Variants in PTPRN2 observed in about 807,000 individuals in gnomAD.
PTPRN2 encodes the protein receptor-type tyrosine-protein phosphatase N2.
In PTPRN2, 74 loss-of-function variants were observed where a neutral mutation model predicts 118.8. The ratio of observed to expected loss-of-function variants is 0.62; its 90% CI spans 0.52 to 0.76. The LOEUF (loss-of-function observed/expected upper bound fraction) is 0.76. Among genes scored for constraint, PTPRN2 ranks in the 30% least tolerant of loss-of-function variants. PTPRN2 has a pLI of 0.00. For missense variants in PTPRN2, 1,481 were observed against 1,394.4 expected (o/e 1.06, Z -0.99); for synonymous variants, 641 against 608.0 (o/e 1.05, Z -0.80).
chr7:157,900,767 T>A (rs1399796291), intron 11 of PTPRN2, among the ~76,000 whole-genome samples: 3 of 152,218 alleles, frequency 2.0e-5, no homozygotes, highest in Non-Finnish European at 2.9e-5. Context: ...CAGTTCATGG[T>A]GTGCAGGCTG....
intron 10 of PTPRN2, among the ~76,000 whole-genome samples, chr7:158,100,422 C>T (rs1815140729): frequency 6.6e-6 from 1 of 152,166 alleles, no homozygotes; most frequent in Non-Finnish European, 1.5e-5. Flanking sequence ...AGATACCCAG[C>T]AGTGGGATTG....
chr7:158,511,239 C>G (rs897201296), intron 1 of PTPRN2, among the ~76,000 whole-genome samples: 2 of 152,154 alleles, frequency 1.3e-5, no homozygotes, highest in Non-Finnish European at 2.9e-5. Context: ...GCTGGATGCG[C>G]TGGTGTGGTC....
intron 2 of PTPRN2, among the ~76,000 whole-genome samples, chr7:158,353,315 G>A (rs1056845140): frequency 6.6e-6 from 1 of 152,148 alleles, no homozygotes; most frequent in Non-Finnish European, 1.5e-5. Flanking sequence ...ACATCACTCG[G>A]GGCTTTATAA....
chr7:158,473,466 C>G (rs1186703926), intron 2 of PTPRN2, among the ~76,000 whole-genome samples: 2 of 152,190 alleles, frequency 1.3e-5, no homozygotes, highest in Admixed American at 1.3e-4. Context: ...TGTCTGTGCA[C>G]CCTGATTGAG....
intron 10 of PTPRN2, among the ~76,000 whole-genome samples, chr7:158,110,317 C>A (rs1275068362): frequency 6.6e-6 from 1 of 152,252 alleles, no homozygotes; most frequent in African/African-American, 2.4e-5. Context: ...ACTCACCCAC[C>A]AGCCCTGCAT....
intron 6 of PTPRN2, among the ~76,000 whole-genome samples, chr7:158,143,796 T>A (rs1819617185): frequency 2.0e-5 from 3 of 152,100 alleles, no homozygotes; most frequent in African/African-American, 7.2e-5. Flanking sequence ...AGTCCAAAGA[T>A]CCCTTCTGCC....
intron 12 of PTPRN2, among the ~76,000 whole-genome samples, chr7:157,757,623 G>A (rs761573818): frequency 1.5e-4 from 22 of 151,392 alleles, no homozygotes; most frequent in Non-Finnish European, 3.1e-4. Context: ...GAAGCCGTGC[G>A]TCTTTCACCT....
intron 11 of PTPRN2, among the ~76,000 whole-genome samples, chr7:157,943,330 C>A (rs1800263720): frequency 6.6e-6 from 1 of 152,116 alleles, no homozygotes; most frequent in Non-Finnish European, 1.5e-5. Context: ...CTTCCCATGC[C>A]CCCTCCCATG....
chr7:158,143,641 C>T (rs1362419361), intron 6 of PTPRN2, among the ~76,000 whole-genome samples: 2 of 151,982 alleles, frequency 1.3e-5, no homozygotes, highest in African/African-American at 2.4e-5. Context: ...TGCCCAGCGG[C>T]CTCCTCATCA....
intron 2 of PTPRN2, among the ~76,000 whole-genome samples, chr7:158,378,620 TCAC>T (rs1306222478): frequency 6.6e-6 from 1 of 152,162 alleles, no homozygotes; most frequent in African/African-American, 2.4e-5. Context: ...TGCCTTGATA[TCAC>T]CACGTTTCCA....
chr7:157,830,574 G>A (rs1053591274), intron 12 of PTPRN2, among the ~76,000 whole-genome samples: 3 of 152,044 alleles, frequency 2.0e-5, no homozygotes, highest in African/African-American at 4.8e-5. Flanking sequence ...GGGGCTGACC[G>A]TGCACCCACA....
At chr7:157,728,948 G>A (rs955276972) in intron 12 of PTPRN2, among the ~76,000 whole-genome samples, 2 of 152,202 alleles carry the variant, frequency 1.3e-5, no homozygotes, top group African/African-American at 4.8e-5. Flanking sequence ...AAGGAGACCA[G>A]GAAACAGCCT....
rs761217962 is a variant in PTPRN2 at position 157,794,551 on chromosome 7, C to T, written c.1788+104122G>A. Among the ~76,000 whole-genome samples the T allele has an allele frequency of 3.3e-5, 5 of 152,208 alleles. No homozygotes were observed. Among genetic ancestry groups the T allele is most frequent in the Non-Finnish European group, 7.3e-5 (5 of 68,050 alleles). On this transcript the variant is annotated intron_variant, in intron 12 of 22. Transcript: ENST00000389418. The surrounding 1 kb of genome is among the most constrained non-coding windows in gnomAD (Gnocchi z 5.2). The stretch of plus-strand genomic sequence containing the variant: ...GGCAATTATACAATAGGACTATCAC[C>T]CTCACTGTCACTCTCCGCTTTGTTT...
At chr7:158,147,473 T>A (rs1585620552) in intron 6 of PTPRN2, among the ~76,000 whole-genome samples, 1 of 82,032 alleles carries the variant, frequency 1.2e-5, no homozygotes, top group Non-Finnish European at 2.3e-5. Context: ...ACACCACGTG[T>A]CTTTCCCCCT....
chr7:158,095,898 C>T (rs1241795292), intron 10 of PTPRN2, among the ~76,000 whole-genome samples: 1 of 152,162 alleles, frequency 6.6e-6, no homozygotes, highest in East Asian at 1.9e-4. Flanking sequence ...AGATTCAAGT[C>T]CTATGGATGA....
intron 3 of PTPRN2, among the ~76,000 whole-genome samples, chr7:158,233,554 C>T (rs944330904): frequency 6.6e-6 from 1 of 152,080 alleles, no homozygotes; most frequent in African/African-American, 2.4e-5. Context: ...TCAGGGTGGG[C>T]ATGGCTGTAG....
At chr7:158,123,671 G>A (rs1817367044) in intron 9 of PTPRN2, among the ~76,000 whole-genome samples, 1 of 152,192 alleles carries the variant, frequency 6.6e-6, no homozygotes, top group South Asian at 2.1e-4. Context: ...ACTGTATTCT[G>A]ACAACTTATT....
Position 157,674,357 on chromosome 7 carries a change from C to T in PTPRN2, c.2001+8368G>A, listed in dbSNP as rs941517970. Among the ~76,000 whole-genome samples, 27 of 152,154 alleles carry T rather than the reference C, an allele frequency of 1.8e-4. No homozygotes were observed. The highest frequency in any genetic ancestry group is 5.9e-4 in the Admixed American group (9 of 15,288). ...CCGGCAGATCAGCCTTCCTTATCCACGTCCTCGAAGTGATCCCCGTTTGAC... is the reference window on the plus strand; with the variant it reads ...CCGGCAGATCAGCCTTCCTTATCCATGTCCTCGAAGTGATCCCCGTTTGAC... On this transcript the variant is annotated intron_variant, in intron 13 of 22. Coordinates refer to ENST00000389418, the MANE Select transcript of PTPRN2 (RefSeq NM_002847.5). This position sits in a 1 kb window ranked among gnomAD's most constrained non-coding sequence, Gnocchi z 4.5.
At chr7:157,604,501 T>C (rs989611345) in intron 15 of PTPRN2, among the ~76,000 whole-genome samples, 12 of 152,308 alleles carry the variant, frequency 7.9e-5, no homozygotes, top group Non-Finnish European at 1.5e-4. Flanking sequence ...CTGCAGAATT[T>C]TATACCATGC....
Sources: allele counts gnomAD v4.1 joint callset (sites outside exome capture counted in the v4.1 genomes callset), GRCh38; gene constraint gnomAD v4.1.1; non-coding constraint Gnocchi (gnomAD v3.1); transcripts MANE v1.5; gene names NCBI Gene and HGNC (gene_info 2026-07-23, HGNC 2026-07-21).